IQGAP2: variants seen among roughly 807,000 people sequenced by gnomAD.
The protein encoded by IQGAP2 is ras GTPase-activating-like protein IQGAP2.
In IQGAP2, 173 loss-of-function variants were observed where a neutral mutation model predicts 201.3. That is an observed-to-expected ratio of 0.86 (90% CI 0.76 to 0.98). The LOEUF (loss-of-function observed/expected upper bound fraction) is 0.98, where lower values mean the gene tolerates loss of function less well. Among genes scored for constraint, IQGAP2 ranks in the 50% least tolerant of loss-of-function variants. IQGAP2 has a pLI of 0.00. For synonymous variants in IQGAP2, 675 were observed against 673.9 expected (o/e 1.00, Z -0.03); for missense variants, 1,687 against 1,864.8 (o/e 0.90, Z 1.76).
chr5:76,465,737 A>T (rs574299201), intron 2 of IQGAP2, among the ~76,000 whole-genome samples: 1 of 152,344 alleles, frequency 6.6e-6, no homozygotes, highest in Admixed American at 6.5e-5. Flanking sequence ...ATTTCTTGAC[A>T]CGAGCAATAA....
chr5:76,688,653 T>C (rs2150527221), intron 30 of IQGAP2, among the ~76,000 whole-genome samples: 1 of 152,262 alleles, frequency 6.6e-6, no homozygotes, highest in South Asian at 2.1e-4. Context: ...ATAATGCAAA[T>C]GTTCCAAAAT....
In IQGAP2 at chr5:76,634,095, ATT is replaced by A. The variant is rs543533621; in HGVS notation, c.1780+2073_1780+2074del. ...CAACCTTGCTGAACTCATTCTAATC[ATT>A]TTTAGTAAATTTCTTGTGCTGCCAT... is the stretch of plus-strand genomic sequence containing the variant. On this transcript the variant is annotated intron_variant, in intron 15 of 35. Transcript: ENST00000274364. 2.2e-3 allele frequency among the ~76,000 whole-genome samples: 329 copies of A among 151,998 alleles called. 4 individuals are homozygous for A. Among genetic ancestry groups the A allele is most frequent in the African/African-American group, 7.6e-3 (315 of 41,430 alleles).
In IQGAP2 at chr5:76,668,790, G is replaced by C; in HGVS notation, c.2789G>C (p.Arg930Pro). 6.2e-7 allele frequency: 1 copy of C among 1,608,266 alleles called. No homozygotes were observed. Among genetic ancestry groups the C allele is most frequent in the Non-Finnish European group, 8.5e-7 (1 of 1,177,170 alleles). ...FTLYNYASNQREEYLLLKLFK... is the reference protein window; with the variant it reads ...FTLYNYASNQPEEYLLLKLFK... ...CTATATAATTATGCCTCTAATCAGC[G>C]AGAAGAATATCTACTTCTCAAGCTT... Residue 930 changes from arginine (R) to proline (P), a missense_variant, in exon 23 of 36, where the codon CGA becomes CCA. Transcript: ENST00000274364.
At chr5:76,652,995 T>C (rs570018068) in intron 18 of IQGAP2, among the ~76,000 whole-genome samples, 162 bp downstream of exon 18, 2 of 152,308 alleles carry the variant, frequency 1.3e-5, no homozygotes, top group Admixed American at 6.5e-5. Context: ...ATTTACCTAA[T>C]CATTTTTCAA....
intron 1 of IQGAP2, among the ~76,000 whole-genome samples, chr5:76,409,068 C>T (rs1025475687): frequency 2.0e-5 from 3 of 151,890 alleles, no homozygotes; most frequent in African/African-American, 7.3e-5. Context: ...GCTAGGATTA[C>T]AGGTGTGAGC....
At chr5:76,680,061 ATACTC>A (rs1375603694) in intron 28 of IQGAP2, among the ~76,000 whole-genome samples, 37 of 152,352 alleles carry the variant, frequency 2.4e-4, no homozygotes, top group Non-Finnish European at 4.6e-4. Flanking sequence ...CATCAAACAG[ATACTC>A]TCTCCTTCAC....
intron 13 of IQGAP2, among the ~76,000 whole-genome samples, chr5:76,625,559 C>T (rs1580654803): frequency 6.6e-6 from 1 of 152,102 alleles, no homozygotes; most frequent in South Asian, 2.1e-4. Context: ...TGTAGTCTGC[C>T]GCATAGCTAG....
At chr5:76,537,097 GT>G (rs1289648671) in intron 2 of IQGAP2, among the ~76,000 whole-genome samples, 4 of 152,186 alleles carry the variant, frequency 2.6e-5, no homozygotes, top group Non-Finnish European at 4.4e-5. Context: ...TTAAAACACA[GT>G]TTACGTTTCT....
Position 76,461,582 on chromosome 5 carries a change from A to G in IQGAP2, c.59A>G (p.Asp20Gly). 6.2e-7 allele frequency: 1 copy of G among 1,613,238 alleles called. No homozygotes were observed. The highest frequency in any genetic ancestry group is 1.1e-5 in the South Asian group (1 of 91,070). ...QRPRYGSIVD[D>G]ERLSAEEMDE... Reference sequence around the variant, plus strand: ...CCTCTATTTCTAGCTATTGTGGACGATGAAAGGCTCTCTGCAGAGGAGATG... The same window carrying G: ...CCTCTATTTCTAGCTATTGTGGACGGTGAAAGGCTCTCTGCAGAGGAGATG... Residue 20 changes from aspartate to glycine, a missense_variant, in exon 2 of 36, where the codon GAT becomes GGT. By Grantham distance (94) the Asp-to-Gly change is moderately conservative (BLOSUM62 -1). Transcript: ENST00000274364.
intron 2 of IQGAP2, among the ~76,000 whole-genome samples, chr5:76,539,727 C>A (rs533858280): frequency 1.3e-5 from 2 of 152,238 alleles, no homozygotes; most frequent in Non-Finnish European, 1.5e-5. Flanking sequence ...CCTGGGGAAG[C>A]CATAGGGGGC....
rs1235257618 is a variant in IQGAP2 at position 76,597,131 on chromosome 5, G to A, written c.908-308G>A. 1.4e-5 allele frequency: 4 copies of A among 289,804 alleles called. No individual in the cohort carries two copies. The East Asian group carries it at 2.9e-4, about 21-fold the overall frequency. 18.0% of individuals were successfully genotyped at this position (289,804 alleles called of 1,614,324 possible). A position where few individuals can be genotyped will look rare whatever the true frequency, so the allele number is the denominator to read the frequency against. ...GGACTGGAGCAATCTGAAGGCTTCA[G>A]GGAAGAAATGAGACCAGAGCTGGTC... On this transcript the variant is annotated intron_variant, in intron 9 of 35. Transcript: ENST00000274364.
intron 14 of IQGAP2, among the ~76,000 whole-genome samples, chr5:76,630,727 A>C (rs1232218739): frequency 6.6e-6 from 1 of 151,938 alleles, no homozygotes; most frequent in Admixed American, 6.6e-5. Flanking sequence ...TATTTTCTCT[A>C]TCCTACAAAG....
chr5:76,654,972 G>T lies in IQGAP2; in HGVS notation c.2289G>T (p.Ala763=), dbSNP rs371448195. The change falls in exon 20 of 36, where the codon GCG becomes GCT. Residue 763 remains alanine, a synonymous_variant. Transcript: ENST00000274364. ...EIVKIQSLLR[A]NKARDDYKTL... ...TGAAAATACAGTCACTGTTGAGAGC[G>T]AACAAAGCTAGAGATGACTACAAAA... The T allele has an allele frequency of 1.9e-6, 3 of 1,612,836 alleles. No individual in the cohort carries two copies. Among genetic ancestry groups the T allele is most frequent in the African/African-American group, 2.7e-5 (2 of 75,006 alleles).
chr5:76,655,689 C>T (rs1205835430), intron 20 of IQGAP2, among the ~76,000 whole-genome samples: 1 of 152,146 alleles, frequency 6.6e-6, no homozygotes, highest in East Asian at 1.9e-4. Flanking sequence ...CCTCATGATT[C>T]ACCTGCCTTG....
intron 35 of IQGAP2, among the ~76,000 whole-genome samples, chr5:76,705,949 A>G (rs1349031192): frequency 6.6e-6 from 1 of 152,196 alleles, no homozygotes; most frequent in African/African-American, 2.4e-5. Context: ...ACTTATTTTA[A>G]AAAGAGAGTT....
At chr5:76,623,773 A>G (rs1580648901) in intron 13 of IQGAP2, among the ~76,000 whole-genome samples, 1 of 152,200 alleles carries the variant, frequency 6.6e-6, no homozygotes, top group East Asian at 1.9e-4. Flanking sequence ...TAAATTAATC[A>G]TGGAAAACAA....
At chr5:76,512,823 G>A (rs921702583) in intron 2 of IQGAP2, among the ~76,000 whole-genome samples, 2 of 152,222 alleles carry the variant, frequency 1.3e-5, no homozygotes, top group African/African-American at 2.4e-5. Context: ...TTGGGAGGCC[G>A]AGGCAGGCAG....
chr5:76,627,848 C>A (rs567298684), intron 14 of IQGAP2, among the ~76,000 whole-genome samples: 3 of 151,926 alleles, frequency 2.0e-5, no homozygotes, highest in Non-Finnish European at 4.4e-5. Context: ...TTATAGTTAC[C>A]AGGGTTTTCC....
chr5:76,518,761 A>T (rs1366060282), intron 2 of IQGAP2, among the ~76,000 whole-genome samples: 1 of 152,186 alleles, frequency 6.6e-6, no homozygotes, highest in East Asian at 1.9e-4. Context: ...CAGCATTTTC[A>T]TCTGATTCCT....
Sources: gnomAD v4.1 joint callset for allele counts (sites outside exome capture counted in the v4.1 genomes callset) on GRCh38, gnomAD v4.1.1 for gene constraint, MANE v1.5 for transcripts, NCBI Gene and HGNC (gene_info 2026-07-23, HGNC 2026-07-21) for gene names.